The following SAMD7 variants were observed in gnomAD, a reference collection of about 807,000 sequenced individuals.
SAMD7 encodes the protein sterile alpha motif domain containing 7, also known as sterile alpha motif domain-containing protein 7.
In SAMD7, 34 loss-of-function variants were observed where a neutral mutation model predicts 36.7. The ratio of observed to expected loss-of-function variants is 0.93; its 90% CI spans 0.71 to 1.23. SAMD7 has a LOEUF of 1.23. Ranked by LOEUF, SAMD7 falls within the 50% of genes most tolerant of loss-of-function variation. The probability of loss-of-function intolerance (pLI) is 0.00; values close to 1 mark genes in which losing one functional copy is unlikely to be tolerated. For synonymous variants in SAMD7, 188 were observed against 189.7 expected (o/e 0.99, Z 0.07); for missense variants, 570 against 546.6 (o/e 1.04, Z -0.43).
intron 8 of SAMD7, 120 bp from the exon 9 acceptor site, chr3:169,938,198 T>C (rs776127541): frequency 3.1e-6 from 2 of 655,458 alleles, no homozygotes; most frequent in Non-Finnish European, 5.4e-6. Context: ...CCCCCACAAC[T>C]ATATGTTAAT....
intron 6 of SAMD7, among the ~76,000 whole-genome samples, chr3:169,928,037 G>C (rs1253094792): frequency 1.3e-5 from 2 of 152,092 alleles, no homozygotes; most frequent in Admixed American, 1.3e-4. Flanking sequence ...GATTGTGAAG[G>C]GCATGTAATA....
At chr3:169,917,466 G>A (rs1261899002) in intron 2 of SAMD7, among the ~76,000 whole-genome samples, 2 of 151,894 alleles carry the variant, frequency 1.3e-5, no homozygotes, top group African/African-American at 2.4e-5. Flanking sequence ...GTACATAGGT[G>A]TATATACTTA....
Position 169,926,748 on chromosome 3 carries a change from A to C in SAMD7, c.486A>C (p.Gly162=), listed in dbSNP as rs1464001388. 1 of 1,613,870 alleles carries C rather than the reference A, an allele frequency of 6.2e-7. No individual in the cohort carries two copies. The highest frequency in any genetic ancestry group is 8.5e-7 in the Non-Finnish European group (1 of 1,179,990). The part of the protein sequence containing the change: ...FHRSTLRNLQ[G]NPMLAATAPH... ...GAAGCACCCTCAGAAACCTTCAGGG[A>C]AACCCCATGCTAGCGGCAACTGCAC... Residue 162 remains glycine (G), a synonymous_variant, in exon 6 of 9, where the codon GGA becomes GGC. Coordinates refer to ENST00000335556, the MANE Select transcript of SAMD7 (RefSeq NM_001304366.2).
intron 7 of SAMD7, among the ~76,000 whole-genome samples, chr3:169,935,236 GT>G (rs1713677409): frequency 6.6e-6 from 1 of 152,158 alleles, no homozygotes; most frequent in Admixed American, 6.5e-5. Flanking sequence ...CATTATTTTT[GT>G]TTGTTTAATG....
chr3:169,935,484 G>GTTTTTGTTTTCTGT (rs1713684901), intron 7 of SAMD7, among the ~76,000 whole-genome samples: 1 of 151,608 alleles, frequency 6.6e-6, no homozygotes, highest in Non-Finnish European at 1.5e-5. Context: ...TTATCTACTG[G>GTTTTTGTTTTCTGT]TTTTTGTTTT....
intron 4 of SAMD7, among the ~76,000 whole-genome samples, chr3:169,924,830 C>A (rs1713187770): frequency 6.6e-6 from 1 of 152,122 alleles, no homozygotes; most frequent in Admixed American, 6.5e-5. Flanking sequence ...AGTCATGAGA[C>A]CAACAATTAA....
chr3:169,918,086 C>T (rs113916911), intron 2 of SAMD7, among the ~76,000 whole-genome samples: 1,997 of 151,858 alleles, frequency 0.013, 37 homozygotes, highest in African/African-American at 0.036. Flanking sequence ...TACAGGCACG[C>T]GCCACCACAC....
intron 7 of SAMD7, among the ~76,000 whole-genome samples, chr3:169,931,610 G>A (rs760806870): frequency 1.3e-5 from 2 of 152,030 alleles, no homozygotes; most frequent in African/African-American, 4.8e-5. Flanking sequence ...GTGAGCCACC[G>A]CACCTGGCTC....
chr3:169,932,708 T>C, intron 7 of SAMD7: 1 of 553,372 alleles, frequency 1.8e-6, no homozygotes, highest in Admixed American at 2.0e-5. Context: ...CCAGAAACAC[T>C]GACACCCGTG....
intron 7 of SAMD7, chr3:169,932,099 G>A (rs1576837217): frequency 3.8e-6 from 2 of 523,084 alleles, no homozygotes; most frequent in African/African-American, 3.9e-5. Context: ...CTGCCAAGCA[G>A]CGTTTCACTA....
chr3:169,929,973 G>A (rs891912759), intron 7 of SAMD7, among the ~76,000 whole-genome samples: 7 of 152,170 alleles, frequency 4.6e-5, no homozygotes, highest in Non-Finnish European at 8.8e-5. Flanking sequence ...TCAACCATGG[G>A]TTCAATTAAG....
At position 169,925,073 on chromosome 3, in the gene SAMD7, C is replaced by T. The variant is rs1179815934; in HGVS notation, c.227C>T (p.Pro76Leu). Residue 76 changes from proline (P) to leucine (L), a missense_variant, in exon 5 of 9, where the codon CCA (proline) becomes CTA (leucine). Transcript: ENST00000335556. ...SRIYPGWGILPPESIKAVARR... is the reference protein window; with the variant it reads ...SRIYPGWGILLPESIKAVARR... ...CTTTTTTAAGGTTGGGGCATTTTAC[C>T]ACCTGAATCCATAAAGGCAGTGGCC... is the stretch of plus-strand genomic sequence containing the variant. The T allele has an allele frequency of 6.2e-7, 1 of 1,605,734 alleles. No homozygotes were observed. The highest frequency in any genetic ancestry group is 8.5e-7 in the Non-Finnish European group (1 of 1,176,262).
At position 169,926,671 on chromosome 3, in the gene SAMD7, G is replaced by A. The variant is rs371136698; in HGVS notation, c.409G>A (p.Ala137Thr). Reference sequence around the variant, plus strand: ...TGGCTCCAGTGTCCCAGCTGCCCCCGCTGCCTACCATGGCAGGAGCATGCT... The same window carrying A: ...TGGCTCCAGTGTCCCAGCTGCCCCCACTGCCTACCATGGCAGGAGCATGCT... ...LYGSSVPAAP[A>T]AYHGRSMLPA... The change falls in exon 6 of 9, where the codon GCT becomes ACT. Residue 137 changes from alanine (A) to threonine (T), a missense_variant. Physicochemically the swap from Ala to Thr is moderately conservative, Grantham distance 58. Coordinates refer to ENST00000335556, the MANE Select transcript of SAMD7 (RefSeq NM_001304366.2). 80 of 1,613,920 alleles carry A rather than the reference G, an allele frequency of 5.0e-5. No individual in the cohort carries two copies. The African/African-American group carries it at 5.6e-4, about 11-fold the overall frequency.
At chr3:169,916,516 T>A (rs1161136145) in intron 2 of SAMD7, among the ~76,000 whole-genome samples, 1 of 152,028 alleles carries the variant, frequency 6.6e-6, no homozygotes, top group Non-Finnish European at 1.5e-5. Flanking sequence ...AGCGTGGTGG[T>A]GAGTGCCTGT....
At chr3:169,919,418 G>A (rs1712946765) in intron 2 of SAMD7, 40 bp from the exon 3 acceptor site, 2 of 1,061,248 alleles carry the variant, frequency 1.9e-6, no homozygotes, top group Non-Finnish European at 2.9e-6. Context: ...TTCACAAAAA[G>A]TAGAGTTATT....
intron 8 of SAMD7, 21 bp downstream of exon 8, chr3:169,936,470 T>C: frequency 8.0e-7 from 1 of 1,243,906 alleles, no homozygotes; most frequent in Non-Finnish European, 1.2e-6. Context: ...TTTATATAAC[T>C]AATTATGTAT....
At chr3:169,937,667 A>T (rs974409585) in intron 8 of SAMD7, among the ~76,000 whole-genome samples, 8 of 152,160 alleles carry the variant, frequency 5.3e-5, no homozygotes, top group African/African-American at 1.4e-4. Flanking sequence ...ACTGATGGGC[A>T]TTTGGGTTGA....
Position 169,936,391 on chromosome 3 carries a change from A to G in SAMD7, c.1094A>G (p.Glu365Gly), listed in dbSNP as rs764684361. 2.5e-6 allele frequency: 4 copies of G among 1,613,844 alleles called. No individual in the cohort carries two copies. Among genetic ancestry groups the G allele is most frequent in the Non-Finnish European group, 3.4e-6 (4 of 1,179,766 alleles). The change falls in exon 8 of 9, where the codon GAG (glutamate) becomes GGG (glycine). Residue 365 changes from glutamate (E) to glycine (G), a missense_variant. By Grantham distance (98) the Glu-to-Gly change is moderately conservative (BLOSUM62 -2). Coordinates refer to ENST00000335556, the MANE Select transcript of SAMD7 (RefSeq NM_001304366.2). ...GAAACTTTGCCATTACTCACAGAAG[A>G]GCATCTTCGAGGCACTATGGGATTA... ...DGETLPLLTE[E>G]HLRGTMGLKL...
chr3:169,918,672 C>G (rs1203264068), intron 2 of SAMD7, among the ~76,000 whole-genome samples: 1 of 152,236 alleles, frequency 6.6e-6, no homozygotes, highest in East Asian at 1.9e-4. Flanking sequence ...TAAATACAGT[C>G]TCGTGCAGTC....
Sources: allele counts gnomAD v4.1 joint callset (sites outside exome capture counted in the v4.1 genomes callset), GRCh38; gene constraint gnomAD v4.1.1; transcripts MANE v1.5; gene names NCBI Gene and HGNC (gene_info 2026-07-23, HGNC 2026-07-21).